Variants in FN1 observed in about 807,000 individuals in gnomAD.
FN1 encodes the protein fibronectin.
Under a neutral mutation model 297.3 loss-of-function variants are expected in FN1, and 106 were observed. The ratio of observed to expected loss-of-function variants is 0.36; its 90% CI spans 0.30 to 0.42. The LOEUF is 0.42. Among genes scored for constraint, FN1 ranks in the 10% least tolerant of loss-of-function variants. The pLI is 1.00. For synonymous variants in FN1, 1,149 were observed against 1,152.6 expected, an observed-to-expected ratio of 1.00 and a Z score of 0.06; for missense variants, 2,690 against 3,124.9, an observed-to-expected ratio of 0.86 and a Z score of 3.32.
intron 6 of FN1, 140 bp from the exon 7 acceptor site, chr2:215,425,425 C>G: frequency 2.4e-6 from 2 of 823,876 alleles, no homozygotes; most frequent in East Asian, 5.2e-5. Flanking sequence ...AAAAAAATGT[C>G]CCTTATTCAG....
At chr2:215,401,261 AGGAAG>A (rs1559476379) in intron 20 of FN1, among the ~76,000 whole-genome samples, 4 of 70,306 alleles carry the variant, frequency 5.7e-5, no homozygotes, top group African/African-American at 2.7e-4. Flanking sequence ...GAAGAAAGAA[AGGAAG>A]GAAAGGAAAG....
chr2:215,376,965 T>C (rs955464700), intron 35 of FN1, among the ~76,000 whole-genome samples: 9 of 152,116 alleles, frequency 5.9e-5, no homozygotes, highest in African/African-American at 2.2e-4. Context: ...CTTCAATAAA[T>C]ATTAAAATTA....
intron 5 of FN1, among the ~76,000 whole-genome samples, chr2:215,429,722 C>G (rs1286088407): frequency 1.3e-5 from 2 of 152,180 alleles, no homozygotes; most frequent in East Asian, 3.8e-4. Context: ...CCCCTAAGTA[C>G]TCTTTGAAGG....
At chr2:215,423,971 G>A (rs1291758135) in intron 8 of FN1, among the ~76,000 whole-genome samples, 175 bp downstream of exon 8, 4 of 152,180 alleles carry the variant, frequency 2.6e-5, no homozygotes, top group Non-Finnish European at 5.9e-5. Flanking sequence ...CAGTACTGGG[G>A]AAGATGGAAG....
intron 38 of FN1, 92 bp downstream of exon 38, chr2:215,375,122 G>C: frequency 7.9e-7 from 1 of 1,261,746 alleles, no homozygotes; most frequent in Non-Finnish European, 1.2e-6. Context: ...GCATTCTCAT[G>C]ACACAGTATC....
chr2:215,365,806 ATTT>A lies in FN1; in HGVS notation c.7019-179_7019-177del, dbSNP rs10577918. ...TATTTTATTTATTTATTTACTTTTT[ATTT>A]TTTTTTTTTTTTTTGAGACAAAGTC... On this transcript the variant is annotated intron_variant, in intron 42 of 45. Transcript: ENST00000354785. The A allele has an allele frequency of 0.022, 5,440 of 250,814 alleles. 130 individuals carry two copies. Among genetic ancestry groups the A allele is most frequent in the African/African-American group, 0.088 (3,581 of 40,888 alleles). 15.5% of individuals were successfully genotyped at this position (250,814 alleles called of 1,614,324 possible).
Position 215,436,002 on chromosome 2 carries a change from G to A in FN1, c.-200C>T, listed in dbSNP as rs962637536. 10 of 1,216,012 alleles carry A rather than the reference G, an allele frequency of 8.2e-6. No homozygotes were observed. Among genetic ancestry groups the A allele is most frequent in the Non-Finnish European group, 1.1e-5 (10 of 904,572 alleles). The allele number at this position is 1,216,012 out of a possible 1,614,324, so 75.3% of individuals were successfully genotyped here. ...GAGGACCAGAGAAGTTGTGGCTGCA[G>A]GTCCCCTCTTCCCGCTCGCGCCTGG... is the stretch of plus-strand genomic sequence containing the variant. On this transcript the variant is annotated 5_prime_UTR_variant, in exon 1 of 46. Coordinates refer to ENST00000354785, the MANE Select transcript of FN1 (RefSeq NM_212482.4).
intron 6 of FN1, among the ~76,000 whole-genome samples, chr2:215,426,387 A>T (rs1429322149): frequency 6.6e-6 from 1 of 152,012 alleles, no homozygotes; most frequent in East Asian, 1.9e-4. Flanking sequence ...TGACCTTGTG[A>T]TCCACCCGCC....
intron 42 of FN1, among the ~76,000 whole-genome samples, chr2:215,365,969 T>G (rs2054514983): frequency 1.3e-5 from 1 of 75,966 alleles, no homozygotes; most frequent in African/African-American, 3.6e-5. Flanking sequence ...CAGTGCTATT[T>G]TTTTTTTTTT....
At chr2:215,381,200 C>A in intron 32 of FN1, 120 bp from the exon 33 acceptor site, 1 of 971,818 alleles carries the variant, frequency 1.0e-6, no homozygotes, top group Admixed American at 1.8e-5. Flanking sequence ...AATTAACCCA[C>A]TATCAAAAGG....
intron 44 of FN1, chr2:215,362,388 C>A (rs1035840140): frequency 7.6e-6 from 3 of 396,710 alleles, no homozygotes; most frequent in African/African-American, 4.1e-5. Context: ...TCAACAAGTT[C>A]TCTGCACTAG....
At chr2:215,386,316 A>G (rs1235174900) in intron 28 of FN1, among the ~76,000 whole-genome samples, 1 of 151,772 alleles carries the variant, frequency 6.6e-6, no homozygotes, top group Non-Finnish European at 1.5e-5. Flanking sequence ...ACCTCAAGTG[A>G]TCTGCCCATT....
In FN1 at chr2:215,361,335, G is replaced by C. The variant is rs1347856928; in HGVS notation, c.*220C>G. 2 of 582,060 alleles carry C rather than the reference G, an allele frequency of 3.4e-6. No individual in the cohort carries two copies. The allele number at this position is 582,060 out of a possible 1,614,324, so 36.1% of individuals were successfully genotyped here. A position where few individuals can be genotyped will look rare whatever the true frequency, so the allele number is the denominator to read the frequency against. ...GAGCGGTATTGAATACTTCGAAGCA[G>C]AACAGGCAATGTGCAGCCCTCATTT... is the stretch of plus-strand genomic sequence containing the variant. On this transcript the variant is annotated 3_prime_UTR_variant, in exon 46 of 46. Transcript: ENST00000354785.
At chr2:215,410,639 C>G (rs567266332) in intron 13 of FN1, among the ~76,000 whole-genome samples, 1 of 152,128 alleles carries the variant, frequency 6.6e-6, no homozygotes, top group East Asian at 1.9e-4. Context: ...TCCCGAGTAG[C>G]TGGGATTAGA....
At chr2:215,369,089 T>C (rs533860150) in intron 41 of FN1, among the ~76,000 whole-genome samples, 1 of 152,194 alleles carries the variant, frequency 6.6e-6, no homozygotes, top group African/African-American at 2.4e-5. Context: ...TGTAGAATAC[T>C]GCTGCTGGGA....
Position 215,424,330 on chromosome 2 carries a change from A to C in FN1, c.1037-5T>G, listed in dbSNP as rs746759849. ...CACCGTAAGTCTGGGTTACAGCTAC[A>C]ATCATAATCAAAAGAGTGTCAGTAA... is the stretch of plus-strand genomic sequence containing the variant. On this transcript the variant is annotated splice_region_variant and splice_polypyrimidine_tract_variant and intron_variant, in intron 7 of 45. Coordinates refer to ENST00000354785, the MANE Select transcript of FN1 (RefSeq NM_212482.4). The C allele has an allele frequency of 6.2e-7, 1 of 1,612,632 alleles. No homozygotes were observed. The highest frequency in any genetic ancestry group is 1.7e-5 in the Admixed American group (1 of 60,024).
chr2:215,393,264 GA>G (rs1190889689), intron 24 of FN1, 61 bp from the exon 25 acceptor site: 3 of 1,559,030 alleles, frequency 1.9e-6, no homozygotes, highest in Non-Finnish European at 2.6e-6. Context: ...AAAAAAAGAG[GA>G]AAAAATAAAG....
At chr2:215,434,655 T>C in intron 2 of FN1, 41 bp downstream of exon 2, 1 of 1,612,064 alleles carries the variant, frequency 6.2e-7, no homozygotes, top group Non-Finnish European at 8.5e-7. Flanking sequence ...TACCACTTCA[T>C]GTATTAAAAG....
intron 12 of FN1, among the ~76,000 whole-genome samples, chr2:215,416,700 TA>T (rs1454659983): frequency 1.3e-5 from 2 of 152,234 alleles, no homozygotes; most frequent in Non-Finnish European, 2.9e-5. Context: ...GATAAATGTC[TA>T]TTAAGTTTTG....
Sources: allele counts gnomAD v4.1 joint callset (sites outside exome capture counted in the v4.1 genomes callset), GRCh38; gene constraint gnomAD v4.1.1; transcripts MANE v1.5; gene names NCBI Gene and HGNC (gene_info 2026-07-23, HGNC 2026-07-21).